DOT1L: variants seen among roughly 807,000 people sequenced by gnomAD.
DOT1L encodes the protein DOT1 like histone lysine methyltransferase, also known as histone-lysine N-methyltransferase, H3 lysine-79 specific.
DOT1L carries 33 observed loss-of-function variants against 153.3 expected under a neutral mutation model. The ratio of observed to expected loss-of-function variants is 0.22; its 90% CI spans 0.16 to 0.29. DOT1L has a LOEUF of 0.29. Among genes scored for constraint, DOT1L ranks in the 10% least tolerant of loss-of-function variants. The pLI is 1.00. For synonymous variants in DOT1L, 1,135 were observed against 965.1 expected, an observed-to-expected ratio of 1.18 and a Z score of -3.26; for missense variants, 1,847 against 2,119.9, an observed-to-expected ratio of 0.87 and a Z score of 2.53.
At chr19:2,203,707 T>C (rs2023383710) in intron 9 of DOT1L, among the ~76,000 whole-genome samples, 1 of 152,154 alleles carries the variant, frequency 6.6e-6, no homozygotes, top group Non-Finnish European at 1.5e-5. Flanking sequence ...GGACTGCCCA[T>C]TCCCTAAACA....
rs373421177 is a variant in DOT1L, at chr19:2,229,702, C to T, written c.4607-83C>T. On this transcript the variant is annotated intron_variant, in intron 27 of 27. Coordinates refer to ENST00000398665, the MANE Select transcript of DOT1L (RefSeq NM_032482.3). ...TGGCGTGTGTGCTCGTGGGAGGCCT[C>T]GGTCCCCAGCCTGGGTGAGTGTTGG... is the stretch of plus-strand genomic sequence containing the variant. 1.2e-4 allele frequency: 188 copies of T among 1,608,554 alleles called. No individual in the cohort carries two copies. In the African/African-American group the frequency reaches 2.1e-3, roughly 18 times the overall value.
At position 2,193,554 on chromosome 19, in the gene DOT1L, A is replaced by G. The variant is rs2022888022; in HGVS notation, c.494-135A>G. ...ATCCTGAGTGACCTTGGAGCATCGG[A>G]TATGTGTGGAGACTGTGGCCTCCCC... On this transcript the variant is annotated intron_variant, in intron 5 of 27. Coordinates refer to ENST00000398665, the MANE Select transcript of DOT1L (RefSeq NM_032482.3). This position sits in a 1 kb window ranked among gnomAD's most constrained non-coding sequence, Gnocchi z 5.9. 3 of 706,826 alleles carry G rather than the reference A, an allele frequency of 4.2e-6. No homozygotes were observed. Among genetic ancestry groups the G allele is most frequent in the East Asian group, 5.3e-5 (2 of 37,414 alleles). The allele number at this position is 706,826 out of a possible 1,614,324, so 43.8% of individuals were successfully genotyped here.
At chr19:2,173,433 T>TGA (rs2021752268) in intron 1 of DOT1L, among the ~76,000 whole-genome samples, 2 of 152,234 alleles carry the variant, frequency 1.3e-5, no homozygotes, top group South Asian at 4.1e-4. Flanking sequence ...CGGATCACAG[T>TGA]GAGAGCAGCC....
chr19:2,200,924 T>C (rs772116277), intron 8 of DOT1L, among the ~76,000 whole-genome samples: 919 of 40,852 alleles, frequency 0.022, no homozygotes, highest in Middle Eastern at 0.067. Flanking sequence ...GTCCTCCCCG[T>C]ATTCCTCATC....
rs1332537985 is a variant in DOT1L, at chr19:2,180,632, G to A, written c.82-81G>A. The A allele has an allele frequency of 5.9e-6, 9 of 1,533,976 alleles. No homozygotes were observed. In the South Asian group the frequency reaches 9.3e-5, roughly 16 times the overall value. ...GAAATGAAGAGATGGGAAGTTGACG[G>A]CATCGCTTGTCCGGGAAGAGAGCGA... On this transcript the variant is annotated intron_variant, in intron 1 of 27. Coordinates refer to ENST00000398665, the MANE Select transcript of DOT1L (RefSeq NM_032482.3).
intron 3 of DOT1L, among the ~76,000 whole-genome samples, chr19:2,187,923 G>GAA (rs11453591): frequency 0.014 from 1,869 of 130,792 alleles, 23 homozygotes; most frequent in African/African-American, 0.029. Context: ...CTCCATCTCA[G>GAA]AAAAAAAAAA....
intron 9 of DOT1L, among the ~76,000 whole-genome samples, chr19:2,205,479 G>T (rs916026761): frequency 1.3e-5 from 2 of 152,170 alleles, no homozygotes; most frequent in African/African-American, 4.8e-5. Flanking sequence ...TAGAGACGGG[G>T]TTTCACTGTG....
intron 9 of DOT1L, 92 bp from the exon 10 acceptor site, chr19:2,206,637 C>A: frequency 7.8e-7 from 1 of 1,274,938 alleles, no homozygotes; most frequent in Non-Finnish European, 1.1e-6. Flanking sequence ...TGTGTGTGTT[C>A]CGTGTCATTG....
chr19:2,183,044 C>T (rs1049271485), intron 2 of DOT1L, among the ~76,000 whole-genome samples: 1 of 152,186 alleles, frequency 6.6e-6, no homozygotes, highest in African/African-American at 2.4e-5. Context: ...AGCATGTGGC[C>T]AGGGTTCTCA....
Position 2,191,853 on chromosome 19 carries a change from G to A in DOT1L, c.493+613G>A, listed in dbSNP as rs535263738. Among the ~76,000 whole-genome samples the A allele has an allele frequency of 4.6e-5, 7 of 152,178 alleles. No homozygotes were observed. Among genetic ancestry groups the A allele is most frequent in the Non-Finnish European group, 7.3e-5 (5 of 68,032 alleles). On this transcript the variant is annotated intron_variant, in intron 5 of 27. Transcript: ENST00000398665. This position sits in a 1 kb window ranked among gnomAD's most constrained non-coding sequence, Gnocchi z 6.8. ...ACTCAGACTCTGCTTGTGAGGTGTC[G>A]TCTCCTCTCAACCACGGGCGGGGCT...
At chr19:2,183,067 A>G (rs1343779696) in intron 2 of DOT1L, among the ~76,000 whole-genome samples, 17 of 152,192 alleles carry the variant, frequency 1.1e-4, no homozygotes, top group Non-Finnish European at 1.5e-5. Flanking sequence ...GTGTGGCTGC[A>G]CAGACCTTTT....
chr19:2,227,812 G>A, intron 27 of DOT1L: 3 of 1,303,542 alleles, frequency 2.3e-6, no homozygotes, highest in Non-Finnish European at 2.0e-6. Flanking sequence ...GCTGCATGTG[G>A]CAGCGCCACA....
chr19:2,185,485 G>C (rs887253068), intron 2 of DOT1L, among the ~76,000 whole-genome samples: 2 of 152,076 alleles, frequency 1.3e-5, no homozygotes, highest in African/African-American at 4.8e-5. Context: ...GAACATGCGG[G>C]GTAATACTCA....
chr19:2,164,066 C>A lies in DOT1L; in HGVS notation c.-119C>A. 1.8e-6 allele frequency: 1 copy of A among 562,858 alleles called. No homozygotes were observed. Among genetic ancestry groups the A allele is most frequent in the Non-Finnish European group, 2.3e-6 (1 of 428,654 alleles). The allele number at this position is 562,858 out of a possible 1,614,324, so 34.9% of individuals were successfully genotyped here. The stretch of plus-strand genomic sequence containing the variant: ...CGGCGGCGGCGGCCGAGGCCGAGGC[C>A]AGGCCCCCTCCCCTCAGCCTCCCGC... On this transcript the variant is annotated 5_prime_UTR_variant, in exon 1 of 28. Coordinates refer to ENST00000398665, the MANE Select transcript of DOT1L (RefSeq NM_032482.3).
chr19:2,193,570 T>TG lies in DOT1L; in HGVS notation c.494-117dup. 1 of 845,414 alleles carries TG rather than the reference T, an allele frequency of 1.2e-6. No homozygotes were observed. The highest frequency in any genetic ancestry group is 1.9e-6 in the Non-Finnish European group (1 of 527,932). 52.4% of individuals were successfully genotyped at this position (845,414 alleles called of 1,614,324 possible). ...GAGCATCGGATATGTGTGGAGACTGTGGCCTCCCCTGTGGGTCTTCATGGC... is the reference window on the plus strand; with the variant it reads ...GAGCATCGGATATGTGTGGAGACTGTGGGCCTCCCCTGTGGGTCTTCATGGC... On this transcript the variant is annotated intron_variant, in intron 5 of 27. Transcript: ENST00000398665. The surrounding 1 kb of genome is among the most constrained non-coding windows in gnomAD (Gnocchi z 5.9).
rs1568368136 is a variant in DOT1L at position 2,222,628 on chromosome 19, C to T, written c.3390+69C>T. On this transcript the variant is annotated intron_variant, in intron 24 of 27. Coordinates refer to ENST00000398665, the MANE Select transcript of DOT1L (RefSeq NM_032482.3). This position sits in a 1 kb window ranked among gnomAD's most constrained non-coding sequence, Gnocchi z 6.5. Reference sequence around the variant, plus strand: ...AGAAAGACCAGAGGGAGACCGGGCGCGGTGGCTCACGCCTGTAATCCCAGC... The same window carrying T: ...AGAAAGACCAGAGGGAGACCGGGCGTGGTGGCTCACGCCTGTAATCCCAGC... 10 of 1,404,334 alleles carry T rather than the reference C, an allele frequency of 7.1e-6. No homozygotes were observed. Among genetic ancestry groups the T allele is most frequent in the Non-Finnish European group, 5.6e-6 (6 of 1,062,208 alleles). 87.0% of individuals were successfully genotyped at this position (1,404,334 alleles called of 1,614,324 possible).
intron 1 of DOT1L, among the ~76,000 whole-genome samples, chr19:2,172,086 G>A (rs1457084764): frequency 6.6e-6 from 1 of 152,224 alleles, no homozygotes; most frequent in African/African-American, 2.4e-5. Flanking sequence ...GGCCCTGGGA[G>A]GGAGTGACTG....
In DOT1L at chr19:2,230,262, C is replaced by A. The variant is rs2024541176; in HGVS notation, c.*470C>A. On this transcript the variant is annotated 3_prime_UTR_variant, in exon 28 of 28. Transcript: ENST00000398665. ...TCTCGGAAACGCCGCCCGGCCGGCT[C>A]CCCCGACGCGCTGCTCCCGTACCAA... is the stretch of plus-strand genomic sequence containing the variant. 2.3e-6 allele frequency: 1 copy of A among 427,262 alleles called. No homozygotes were observed. 26.5% of individuals were successfully genotyped at this position (427,262 alleles called of 1,614,324 possible).
rs1388316703 is a variant in DOT1L, at chr19:2,217,895, C to T, written c.2668C>T (p.Leu890=). 6.2e-7 allele frequency: 1 copy of T among 1,611,964 alleles called. No homozygotes were observed. Among genetic ancestry groups the T allele is most frequent in the Admixed American group, 1.7e-5 (1 of 59,954 alleles). The change falls in exon 22 of 28, where the codon CTG becomes TTG. Residue 890 remains leucine, a synonymous_variant. Coordinates refer to ENST00000398665, the MANE Select transcript of DOT1L (RefSeq NM_032482.3). The surrounding 1 kb of genome is among the most constrained non-coding windows in gnomAD (Gnocchi z 7.3). ...CAGCATTCCCCTGGCCAGCGTGGTG[C>T]TGCCCAGCCGCGCCGAGAGGGCGGT... ...PVSIPLASVV[L]PSRAERARST...
Sources: allele counts gnomAD v4.1 joint callset (sites outside exome capture counted in the v4.1 genomes callset), GRCh38; gene constraint gnomAD v4.1.1; non-coding constraint Gnocchi (gnomAD v3.1); transcripts MANE v1.5; gene names NCBI Gene and HGNC (gene_info 2026-07-23, HGNC 2026-07-21).